CDK15: variants seen among roughly 807,000 people sequenced by gnomAD.
CDK15 encodes the protein cyclin dependent kinase 15, also known as cyclin-dependent kinase 15.
Under a neutral mutation model 60.3 loss-of-function variants are expected in CDK15, and 62 were observed. That is an observed-to-expected ratio of 1.03 (90% CI 0.84 to 1.27). CDK15 has a LOEUF of 1.27. Ranked by LOEUF, CDK15 falls within the 50% of genes most tolerant of loss-of-function variation. CDK15 has a pLI of 0.00. For synonymous variants in CDK15, 194 were observed against 195.7 expected, an observed-to-expected ratio of 0.99 and a Z score of 0.07; for missense variants, 541 against 527.8, an observed-to-expected ratio of 1.03 and a Z score of -0.25.
chr2:201,822,621 G>T (rs944344396), intron 4 of CDK15, among the ~76,000 whole-genome samples, 188 bp from the exon 5 acceptor site: 2 of 152,174 alleles, frequency 1.3e-5, no homozygotes, highest in Non-Finnish European at 2.9e-5. Flanking sequence ...GCAATGATTT[G>T]CCATTTTTGA....
intron 7 of CDK15, 139 bp downstream of exon 7, chr2:201,834,110 C>A: frequency 1.8e-6 from 2 of 1,081,928 alleles, no homozygotes; most frequent in Non-Finnish European, 2.5e-6. Context: ...CAAACTACCA[C>A]AAAGGAAGTG....
intron 9 of CDK15, among the ~76,000 whole-genome samples, chr2:201,849,581 T>C (rs1381511352): frequency 6.6e-6 from 1 of 151,914 alleles, no homozygotes; most frequent in Non-Finnish European, 1.5e-5. Context: ...AAACACATGA[T>C]CTGTATTTTC....
Position 201,812,541 on chromosome 2 carries a change from C to T in CDK15, c.427C>T (p.Pro143Ser), listed in dbSNP as rs748390519. 1.9e-6 allele frequency: 3 copies of T among 1,612,560 alleles called. No individual in the cohort carries two copies. The Admixed American group carries it at 5.0e-5, about 27-fold the overall frequency. Reference sequence around the variant, plus strand: ...CAGCATGAATGCAGAGGAAGGAGTCCCATTTACAGCTATCCGAGAAGGTAA... The same window carrying T: ...CAGCATGAATGCAGAGGAAGGAGTCTCATTTACAGCTATCCGAGAAGGTAA... ...VISMNAEEGV[P>S]FTAIREASLL... The change falls in exon 4 of 14, where the codon CCA becomes TCA. Residue 143 changes from proline to serine, a missense_variant. By Grantham distance (74) the Pro-to-Ser change is moderately conservative (BLOSUM62 -1). Transcript: ENST00000652192.
intron 11 of CDK15, among the ~76,000 whole-genome samples, chr2:201,879,498 G>A (rs1330340216): frequency 2.6e-5 from 4 of 152,164 alleles, no homozygotes; most frequent in African/African-American, 7.2e-5. Flanking sequence ...TCATGCCTCA[G>A]CCTCCTGAGT....
intron 13 of CDK15, among the ~76,000 whole-genome samples, 196 bp downstream of exon 13, chr2:201,891,123 T>C (rs571263976): frequency 2.0e-5 from 3 of 152,380 alleles, no homozygotes; most frequent in African/African-American, 7.2e-5. Flanking sequence ...TTACATGCAT[T>C]GCCTTTCTCT....
intron 12 of CDK15, among the ~76,000 whole-genome samples, chr2:201,884,372 C>T (rs1439153898): frequency 3.3e-5 from 5 of 152,248 alleles, no homozygotes; most frequent in Non-Finnish European, 7.3e-5. Context: ...TGCTGTACCA[C>T]AGCCCCCATT....
intron 1 of CDK15, among the ~76,000 whole-genome samples, chr2:201,807,050 T>G (rs17469662): frequency 0.012 from 1,785 of 152,262 alleles, 12 homozygotes; most frequent in Non-Finnish European, 0.017. Flanking sequence ...TCTCAAAATC[T>G]CTAAGGTCCT....
At chr2:201,883,466 C>T (rs951346011) in intron 12 of CDK15, among the ~76,000 whole-genome samples, 1 of 152,174 alleles carries the variant, frequency 6.6e-6, no homozygotes, top group African/African-American at 2.4e-5. Context: ...TGTGGCAGTA[C>T]GCTTAGAGCC....
At chr2:201,836,007 T>TTTATAA in intron 8 of CDK15, among the ~76,000 whole-genome samples, 1 of 93,758 alleles carries the variant, frequency 1.1e-5, no homozygotes. Flanking sequence ...TATATTTATA[T>TTTATAA]TTTTATATTT....
Position 201,849,461 on chromosome 2 carries a change from T to A in CDK15, c.945+1987T>A, listed in dbSNP as rs568353182. ...TGAAGAGTTTTTCCTGGTCATTTAATCAGGAAACAACACTTACTCACCATA... is the reference window on the plus strand; with the variant it reads ...TGAAGAGTTTTTCCTGGTCATTTAAACAGGAAACAACACTTACTCACCATA... On this transcript the variant is annotated intron_variant, in intron 9 of 13. Transcript: ENST00000652192. 2.6e-5 allele frequency among the ~76,000 whole-genome samples: 4 copies of A among 152,026 alleles called. No homozygotes were observed. The South Asian group carries it at 8.3e-4, about 32-fold the overall frequency.
intron 10 of CDK15, among the ~76,000 whole-genome samples, chr2:201,864,932 C>G (rs1414136591): frequency 6.6e-6 from 1 of 151,950 alleles, no homozygotes; most frequent in Non-Finnish European, 1.5e-5. Context: ...ATTTAGTTGC[C>G]CAAAGGAGAG....
At chr2:201,828,707 G>A (rs898215618) in intron 6 of CDK15, among the ~76,000 whole-genome samples, 2 of 152,170 alleles carry the variant, frequency 1.3e-5, no homozygotes, top group African/African-American at 4.8e-5. Context: ...GTGGGAAGGG[G>A]CACAGAGCAT....
chr2:201,884,998 G>A (rs1177457339), intron 12 of CDK15, among the ~76,000 whole-genome samples: 2 of 152,206 alleles, frequency 1.3e-5, no homozygotes, highest in Admixed American at 6.5e-5. Flanking sequence ...GATCCAGGAT[G>A]ATTTTGTGAG....
At chr2:201,888,778 C>A in intron 12 of CDK15, 2 of 1,157,944 alleles carry the variant, frequency 1.7e-6, no homozygotes, top group Non-Finnish European at 2.1e-6. Context: ...GCAAGGAAGC[C>A]GGAGGGAAAT....
At position 201,835,748 on chromosome 2, in the gene CDK15, C is replaced by G; in HGVS notation, c.836C>G (p.Ser279Cys). 1 of 1,599,384 alleles carries G rather than the reference C, an allele frequency of 6.3e-7. No individual in the cohort carries two copies. ...TTGCTGGGAGCCACTGAATATTCCT[C>G]TGAGCTGGACATATGGTAAGAGTGG... The part of the protein sequence containing the change: ...DALLGATEYS[S>C]ELDIWGAGCI... The change falls in exon 8 of 14, where the codon TCT (serine) becomes TGT (cysteine). Residue 279 changes from serine (S) to cysteine (C), a missense_variant. Transcript: ENST00000652192.
chr2:201,870,100 G>C (rs1698797787), intron 10 of CDK15, among the ~76,000 whole-genome samples: 1 of 152,158 alleles, frequency 6.6e-6, no homozygotes, highest in Non-Finnish European at 1.5e-5. Context: ...CACTTTCTTT[G>C]ATCACTCCTT....
At chr2:201,847,231 G>A (rs756442835) in intron 8 of CDK15, 150 bp from the exon 9 acceptor site, 4 of 669,586 alleles carry the variant, frequency 6.0e-6, no homozygotes, top group Non-Finnish European at 7.3e-6. Context: ...TTTGACATAG[G>A]GACTTTTTTT....
At chr2:201,817,771 C>A (rs1209112505) in intron 4 of CDK15, among the ~76,000 whole-genome samples, 1 of 152,158 alleles carries the variant, frequency 6.6e-6, no homozygotes, top group Non-Finnish European at 1.5e-5. Context: ...TATCACATGA[C>A]AAATACAGCA....
intron 6 of CDK15, among the ~76,000 whole-genome samples, chr2:201,832,085 A>C (rs1049554594): frequency 1.4e-5 from 2 of 147,146 alleles, no homozygotes; most frequent in African/African-American, 5.1e-5. Flanking sequence ...TTGCTCTGCC[A>C]CCCAGGCTGG....
Sources: gnomAD v4.1 joint callset for allele counts (sites outside exome capture counted in the v4.1 genomes callset) on GRCh38, gnomAD v4.1.1 for gene constraint, MANE v1.5 for transcripts, NCBI Gene and HGNC (gene_info 2026-07-23, HGNC 2026-07-21) for gene names.